The following ZNF768 variants were observed in gnomAD, a reference collection of about 807,000 sequenced individuals.
ZNF768 encodes zinc finger protein 768.
Under a neutral mutation model 39.7 loss-of-function variants are expected in ZNF768, and 12 were observed. The ratio of observed to expected loss-of-function variants is 0.30; its 90% CI spans 0.19 to 0.49. ZNF768 has a LOEUF of 0.49. Among genes scored for constraint, ZNF768 ranks in the 20% least tolerant of loss-of-function variants. The pLI is 0.99. For synonymous variants in ZNF768, 360 were observed against 288.4 expected (o/e 1.25, Z -2.52); for missense variants, 613 against 723.2 (o/e 0.85, Z 1.75).
Position 30,525,338 on chromosome 16 carries a change from TC to T in ZNF768, c.801del (p.Lys268ArgfsTer9). The T allele has an allele frequency of 6.2e-7, 1 of 1,614,140 alleles. No individual in the cohort carries two copies. The highest frequency in any genetic ancestry group is 1.1e-5 in the South Asian group (1 of 91,082). On this transcript the variant is annotated frameshift_variant, in exon 2 of 2. Coordinates refer to ENST00000380412, the MANE Select transcript of ZNF768 (RefSeq NM_024671.4). LOFTEE classifies it high-confidence loss of function. ...GPRPNICGIC[G>X]KSFGRGSTLI... ...AGGGTGGAGCCCCGCCCGAAGCTCT[TC>T]CCGCAGATGCCACAGATGTTAGGCC...
Position 30,526,529 on chromosome 16 carries a change from C to T in ZNF768, c.-116G>A. On this transcript the variant is annotated 5_prime_UTR_variant, in exon 1 of 2. Coordinates refer to ENST00000380412, the MANE Select transcript of ZNF768 (RefSeq NM_024671.4). Reference sequence around the variant, plus strand: ...CGCCCGCTCAGCGCCGCCCAGGGGACTCGGCGGCCCAGCCCGGGCCCCCGA... The same window carrying T: ...CGCCCGCTCAGCGCCGCCCAGGGGATTCGGCGGCCCAGCCCGGGCCCCCGA... 12 of 1,124,960 alleles carry T rather than the reference C, an allele frequency of 1.1e-5. No homozygotes were observed. The highest frequency in any genetic ancestry group is 1.3e-5 in the Non-Finnish European group (12 of 918,092). 69.7% of individuals were successfully genotyped at this position (1,124,960 alleles called of 1,614,324 possible). A position where few individuals can be genotyped will look rare whatever the true frequency, so the allele number is the denominator to read the frequency against.
upstream of ZNF768, chr16:30,527,338 C>T: frequency 1.0e-6 from 1 of 980,798 alleles, no homozygotes; most frequent in South Asian, 4.7e-5. Flanking sequence ...TCCCTCCTCC[C>T]TCCTCGAGGG....
Position 30,525,042 on chromosome 16 carries a change from G to T in ZNF768, c.1098C>A (p.Thr366=). Residue 366 remains threonine, a synonymous_variant, in exon 2 of 2, where the codon ACC becomes ACA. Coordinates refer to ENST00000380412, the MANE Select transcript of ZNF768 (RefSeq NM_024671.4). ...DSSYLLRHQR[T]HSHERPYSCT... is the part of the protein sequence containing the mutation. ...AGCTGTAGGGCCGCTCGTGGCTGTG[G>T]GTGCGCTGGTGTCGCAGGAGGTAGG... 6.2e-7 allele frequency: 1 copy of T among 1,614,162 alleles called. No homozygotes were observed. Among genetic ancestry groups the T allele is most frequent in the Non-Finnish European group, 8.5e-7 (1 of 1,180,026 alleles).
At chr16:30,531,159 T>G (rs949576208), upstream of ZNF768, 2 of 152,264 alleles carry the variant, frequency 1.3e-5, no homozygotes, top group Admixed American at 1.3e-4. Flanking sequence ...TTTGCTGTAC[T>G]TTAAGATAAA....
In ZNF768 at chr16:30,524,692, C is replaced by T; in HGVS notation, c.1448G>A (p.Arg483Gln). The change falls in exon 2 of 2, where the codon CGG (arginine) becomes CAG (glutamine). Residue 483 changes from arginine to glutamine, a missense_variant. By Grantham distance (43) the Arg-to-Gln change is conservative. This residue lies in a region of ZNF768 where 204 missense variants were observed against 281.7 expected (regional missense o/e 0.72). Transcript: ENST00000380412. ...IQHQRSHTGERPYRCAVCGKG... is the reference protein window; with the variant it reads ...IQHQRSHTGEQPYRCAVCGKG... ...GCCGCACACGGCGCACCTGTAGGGCCGCTCGCCCGTGTGGGAGCGCTGGTG... is the reference window on the plus strand; with the variant it reads ...GCCGCACACGGCGCACCTGTAGGGCTGCTCGCCCGTGTGGGAGCGCTGGTG... 6.2e-7 allele frequency: 1 copy of T among 1,613,048 alleles called. No individual in the cohort carries two copies.
rs2051299316 is a variant in ZNF768 at position 30,524,331 on chromosome 16, C to T, written c.*186G>A. ...CCAGGGCCTCCCGCTGCCGGCCTGG[C>T]CTCCCTCCAACCCACTTCCCACAAG... is the stretch of plus-strand genomic sequence containing the variant. On this transcript the variant is annotated 3_prime_UTR_variant, in exon 2 of 2. Coordinates refer to ENST00000380412, the MANE Select transcript of ZNF768 (RefSeq NM_024671.4). 3 of 1,008,354 alleles carry T rather than the reference C, an allele frequency of 3.0e-6. No individual in the cohort carries two copies. Among genetic ancestry groups the T allele is most frequent in the African/African-American group, 3.3e-5 (2 of 61,390 alleles). 62.5% of individuals were successfully genotyped at this position (1,008,354 alleles called of 1,614,324 possible). A position where few individuals can be genotyped will look rare whatever the true frequency, so the allele number is the denominator to read the frequency against.
At chr16:30,529,824 T>G (rs1018468636), upstream of ZNF768, among the ~76,000 whole-genome samples, 5 of 144,850 alleles carry the variant, frequency 3.5e-5, no homozygotes, top group Non-Finnish European at 6.0e-5. Flanking sequence ...GTAGCTAGTT[T>G]TTTTTTTTTT....
rs765415245 is a variant in ZNF768, at chr16:30,525,540, C to A, written c.600G>T (p.Gln200His). 7.4e-6 allele frequency: 12 copies of A among 1,614,230 alleles called. No individual in the cohort carries two copies. The highest frequency in any genetic ancestry group is 1.0e-5 in the Non-Finnish European group (12 of 1,180,026). The stretch of plus-strand genomic sequence containing the variant: ...CCCCTGTGGGCTGCTCCCCAAACCC[C>A]TGAGTGAAGGAGTCCAGGGGGTGAA... Reference protein sequence around the residue: ...VGVHPLDSFTQGFGEQPTGDL... With the variant: ...VGVHPLDSFTHGFGEQPTGDL... The change falls in exon 2 of 2, where the codon CAG becomes CAT. Residue 200 changes from glutamine to histidine, a missense_variant. Transcript: ENST00000380412.
In ZNF768 at chr16:30,525,033, G is replaced by A. The variant is rs758969203; in HGVS notation, c.1107C>T (p.His369=). ...ACTCGGTGCAGCTGTAGGGCCGCTCGTGGCTGTGGGTGCGCTGGTGTCGCA... is the reference window on the plus strand; with the variant it reads ...ACTCGGTGCAGCTGTAGGGCCGCTCATGGCTGTGGGTGCGCTGGTGTCGCA... ...YLLRHQRTHS[H]ERPYSCTECG... The change falls in exon 2 of 2, where the codon CAC becomes CAT. Residue 369 remains histidine (H), a synonymous_variant. Transcript: ENST00000380412. 2.1e-5 allele frequency: 34 copies of A among 1,614,166 alleles called. No homozygotes were observed. The highest frequency in any genetic ancestry group is 1.3e-4 in the East Asian group (6 of 44,878).
chr16:30,530,991 C>G (rs1567501153), upstream of ZNF768: 2 of 152,288 alleles, frequency 1.3e-5, no homozygotes, highest in Non-Finnish European at 2.9e-5. This position sits in a 1 kb window ranked among gnomAD's most constrained non-coding sequence, Gnocchi z 4.4. Context: ...ACGGTTGCCA[C>G]TGGCTACAAA....
upstream of ZNF768, chr16:30,527,029 C>T: frequency 4.1e-6 from 4 of 985,482 alleles, no homozygotes; most frequent in Non-Finnish European, 4.8e-6. Context: ...CCCGTCTGTC[C>T]ATCTCCCGGG....
chr16:30,532,446 C>G, the ZNF768 span: 2 of 1,550,790 alleles, frequency 1.3e-6, no homozygotes, highest in African/African-American at 2.7e-5. Flanking sequence ...GGTTCGGGCC[C>G]CTGAGCCCAT....
chr16:30,524,578 G>A lies in ZNF768; in HGVS notation c.1562C>T (p.Ala521Val), dbSNP rs1449943668. 1.2e-6 allele frequency: 2 copies of A among 1,612,478 alleles called. No individual in the cohort carries two copies. The highest frequency in any genetic ancestry group is 1.7e-6 in the Non-Finnish European group (2 of 1,179,926). ...GATGAGGTCGGAGCTCTGGGAGAAG[G>A]CCTTTCCGCAGTCATCGCACTTGTA... ...RPYKCDDCGK[A>V]FSQSSDLIRH... The change falls in exon 2 of 2, where the codon GCC (alanine) becomes GTC (valine). Residue 521 changes from alanine (A) to valine (V), a missense_variant. Physicochemically the swap from Ala to Val is moderately conservative, Grantham distance 64. Around this residue, in one of 4 missense-constraint regions of ZNF768, gnomAD observed 204 missense variants for 281.7 expected, o/e 0.72. Transcript: ENST00000380412.
chr16:30,525,783 A>T lies in ZNF768; in HGVS notation c.357T>A (p.Pro119=). The change falls in exon 2 of 2, where the codon CCT becomes CCA. Residue 119 remains proline (P), a synonymous_variant. Coordinates refer to ENST00000380412, the MANE Select transcript of ZNF768 (RefSeq NM_024671.4). ...AGCCAGGGCTTTGGGGTTCATACCT[A>T]GGGCTCTGGGATTCAAACTCAGGGC... The part of the protein sequence containing the change: ...SQSPEFESQS[P]RYEPQSPGYE... 1 of 1,571,700 alleles carries T rather than the reference A, an allele frequency of 6.4e-7. No individual in the cohort carries two copies. The highest frequency in any genetic ancestry group is 1.2e-5 in the South Asian group (1 of 84,148).
chr16:30,532,202 C>G, the ZNF768 span: 1 of 513,734 alleles, frequency 1.9e-6, no homozygotes, highest in Non-Finnish European at 3.4e-6. Context: ...AGGTTCTTCT[C>G]TACCTCAATC....
Position 30,526,447 on chromosome 16 carries a change from T to G in ZNF768, c.-34A>C, listed in dbSNP as rs759911207. On this transcript the variant is annotated 5_prime_UTR_variant, in exon 1 of 2. Coordinates refer to ENST00000380412, the MANE Select transcript of ZNF768 (RefSeq NM_024671.4). ...GCTCCCAGTGCAGCGGCGGCGGCGATGGCGGCCGATCCCGCGACCCGGCCT... is the reference window on the plus strand; with the variant it reads ...GCTCCCAGTGCAGCGGCGGCGGCGAGGGCGGCCGATCCCGCGACCCGGCCT... 28 of 1,518,748 alleles carry G rather than the reference T, an allele frequency of 1.8e-5. No homozygotes were observed. Among genetic ancestry groups the G allele is most frequent in the East Asian group, 8.2e-5 (3 of 36,768 alleles). The allele number at this position is 1,518,748 out of a possible 1,614,324, so 94.1% of individuals were successfully genotyped here.
chr16:30,529,434 G>T (rs765535367), upstream of ZNF768, among the ~76,000 whole-genome samples: 3 of 152,222 alleles, frequency 2.0e-5, no homozygotes, highest in Non-Finnish European at 4.4e-5. Flanking sequence ...CAACACTGCA[G>T]GCCAGAGAGC....
Position 30,525,541 on chromosome 16 carries a change from T to G in ZNF768, c.599A>C (p.Gln200Pro). 1 of 1,614,216 alleles carries G rather than the reference T, an allele frequency of 6.2e-7. No homozygotes were observed. Among genetic ancestry groups the G allele is most frequent in the Middle Eastern group, 1.6e-4 (1 of 6,062 alleles). The change falls in exon 2 of 2, where the codon CAG (glutamine) becomes CCG (proline). Residue 200 changes from glutamine (Q) to proline (P), a missense_variant. This residue lies in a region of ZNF768 where 347 missense variants were observed against 326.1 expected (regional missense o/e 1.06). Transcript: ENST00000380412. ...VGVHPLDSFT[Q>P]GFGEQPTGDL... Reference sequence around the variant, plus strand: ...CCCTGTGGGCTGCTCCCCAAACCCCTGAGTGAAGGAGTCCAGGGGGTGAAC... The same window carrying G: ...CCCTGTGGGCTGCTCCCCAAACCCCGGAGTGAAGGAGTCCAGGGGGTGAAC...
Position 30,524,489 on chromosome 16 carries a change from C to T in ZNF768, c.*28G>A, listed in dbSNP as rs760995994. The T allele has an allele frequency of 8.2e-6, 13 of 1,584,908 alleles. No homozygotes were observed. Among genetic ancestry groups the T allele is most frequent in the South Asian group, 2.3e-5 (2 of 88,120 alleles). ...TCCCTGGCCCCTTATCTTCTGCCCA[C>T]ACCTCCCACCCCTGCTGGGGCCCCA... On this transcript the variant is annotated 3_prime_UTR_variant, in exon 2 of 2. Coordinates refer to ENST00000380412, the MANE Select transcript of ZNF768 (RefSeq NM_024671.4).
Sources: allele counts gnomAD v4.1 joint callset (sites outside exome capture counted in the v4.1 genomes callset), GRCh38; gene constraint gnomAD v4.1.1; regional missense constraint gnomAD v4.1.1; non-coding constraint Gnocchi (gnomAD v3.1); transcripts MANE v1.5; gene names NCBI Gene and HGNC (gene_info 2026-07-23, HGNC 2026-07-21).